Variants in ZC2HC1B observed in about 807,000 individuals in gnomAD.
ZC2HC1B encodes the protein zinc finger C2HC-type containing 1B.
A neutral mutation model predicts 31.0 loss-of-function variants in ZC2HC1B; 36 were observed. The observed-to-expected ratio is 1.16, with a 90% CI of 0.89 to 1.54. The LOEUF is 1.54. Ranked by LOEUF, ZC2HC1B falls within the 40% of genes most tolerant of loss-of-function variation. ZC2HC1B has a pLI of 0.00. For synonymous variants in ZC2HC1B, 73 were observed against 88.0 expected (o/e 0.83, Z 0.95); for missense variants, 260 against 268.6 (o/e 0.97, Z 0.22).
intron 4 of ZC2HC1B, among the ~76,000 whole-genome samples, chr6:143,897,854 A>G (rs890572657): frequency 2.0e-5 from 3 of 152,134 alleles, no homozygotes; most frequent in African/African-American, 7.2e-5. Flanking sequence ...CAGCACTACA[A>G]CCTATGCTTT....
intron 6 of ZC2HC1B, among the ~76,000 whole-genome samples, chr6:143,925,815 A>C (rs1163833012): frequency 6.6e-6 from 1 of 152,102 alleles, no homozygotes; most frequent in Non-Finnish European, 1.5e-5. Context: ...GATTACAGGC[A>C]TGAGCCACGG....
chr6:143,877,481 C>T (rs966510194), intron 1 of ZC2HC1B, among the ~76,000 whole-genome samples: 2 of 149,378 alleles, frequency 1.3e-5, no homozygotes, highest in African/African-American at 5.0e-5. Flanking sequence ...CAGGGTTTCT[C>T]CATGTTGGTC....
Position 143,934,174 on chromosome 6 carries a change from C to A in ZC2HC1B, c.599-3475C>A, listed in dbSNP as rs1335359676. Among the ~76,000 whole-genome samples the A allele has an allele frequency of 6.6e-6, 1 of 152,350 alleles. No homozygotes were observed. Among genetic ancestry groups the A allele is most frequent in the Middle Eastern group, 3.4e-3 (1 of 294 alleles). ...GTGTGCTTGGAAGCAGATGTGTCCC[C>A]TCTCAGACTTTGGGAACTTACGAAT... On this transcript the variant is annotated intron_variant, in intron 6 of 7. Coordinates refer to ENST00000237275, the MANE Select transcript of ZC2HC1B (RefSeq NM_001013623.3). This position sits in a 1 kb window ranked among gnomAD's most constrained non-coding sequence, Gnocchi z 4.6.
chr6:143,878,543 C>T (rs550049989), intron 1 of ZC2HC1B, among the ~76,000 whole-genome samples: 46 of 150,750 alleles, frequency 3.1e-4, no homozygotes, highest in Admixed American at 9.9e-4. Context: ...TGTTCCTAAG[C>T]TCAAGGCTGT....
chr6:143,914,755 T>A (rs1777897581), intron 6 of ZC2HC1B, among the ~76,000 whole-genome samples: 1 of 152,198 alleles, frequency 6.6e-6, no homozygotes, highest in Middle Eastern at 3.2e-3. Flanking sequence ...CCTCTTTGTG[T>A]CTTGTAATCT....
At chr6:143,901,131 A>G (rs1348834975) in intron 5 of ZC2HC1B, among the ~76,000 whole-genome samples, 1 of 150,806 alleles carries the variant, frequency 6.6e-6, no homozygotes, top group East Asian at 2.0e-4. Flanking sequence ...GAGCCACCAC[A>G]CGCGGCCTAG....
chr6:143,891,749 A>G (rs1306173944), intron 4 of ZC2HC1B, among the ~76,000 whole-genome samples: 1 of 152,118 alleles, frequency 6.6e-6, no homozygotes, highest in Non-Finnish European at 1.5e-5. Context: ...AGCTGATTCA[A>G]AGATTTTATG....
chr6:143,922,328 T>C lies in ZC2HC1B; in HGVS notation c.599-15321T>C, dbSNP rs1485095528. The stretch of plus-strand genomic sequence containing the variant: ...TTATTATTTATTTGACTTGGGAACA[T>C]TTCAAATCTTCTTTTCCAGTTATTC... On this transcript the variant is annotated intron_variant, in intron 6 of 7. Coordinates refer to ENST00000237275, the MANE Select transcript of ZC2HC1B (RefSeq NM_001013623.3). The surrounding 1 kb of genome is among the most constrained non-coding windows in gnomAD (Gnocchi z 5.0). Among the ~76,000 whole-genome samples the C allele has an allele frequency of 6.6e-6, 1 of 152,226 alleles. No homozygotes were observed. Among genetic ancestry groups the C allele is most frequent in the African/African-American group, 2.4e-5 (1 of 41,466 alleles).
rs576919924 is a variant in ZC2HC1B, at chr6:143,915,452, C to T, written c.598+12300C>T. Among the ~76,000 whole-genome samples the T allele has an allele frequency of 5.9e-5, 9 of 152,158 alleles. No homozygotes were observed. The highest frequency in any genetic ancestry group is 2.1e-4 in the South Asian group (1 of 4,810). ...GTAAATTGGTACCAGTAGAGTGGGG[C>T]GCTGCTGAAAAGATATCTGAAAATG... is the stretch of plus-strand genomic sequence containing the variant. On this transcript the variant is annotated intron_variant, in intron 6 of 7. Coordinates refer to ENST00000237275, the MANE Select transcript of ZC2HC1B (RefSeq NM_001013623.3). This position sits in a 1 kb window ranked among gnomAD's most constrained non-coding sequence, Gnocchi z 5.2.
At chr6:143,890,858 A>G (rs1777592451) in intron 4 of ZC2HC1B, among the ~76,000 whole-genome samples, 1 of 152,140 alleles carries the variant, frequency 6.6e-6, no homozygotes, top group Non-Finnish European at 1.5e-5. Context: ...GGCTGGGCGC[A>G]GTGGCTCATA....
In ZC2HC1B at chr6:143,895,586, G is replaced by T. The variant is rs564305818; in HGVS notation, c.350-2966G>T. ...TCCCTATTTTCATGATTCAGTTTTT[G>T]AGACATGCCTATATTCTACTTTTTA... On this transcript the variant is annotated intron_variant, in intron 4 of 7. Coordinates refer to ENST00000237275, the MANE Select transcript of ZC2HC1B (RefSeq NM_001013623.3). This position sits in a 1 kb window ranked among gnomAD's most constrained non-coding sequence, Gnocchi z 4.8. 6.6e-6 allele frequency among the ~76,000 whole-genome samples: 1 copy of T among 152,206 alleles called. No homozygotes were observed. Among genetic ancestry groups the T allele is most frequent in the South Asian group, 2.1e-4 (1 of 4,826 alleles).
intron 6 of ZC2HC1B, among the ~76,000 whole-genome samples, chr6:143,935,674 T>TTTTTTTTTTG (rs869162265): frequency 8.3e-6 from 1 of 120,676 alleles, no homozygotes; most frequent in African/African-American, 3.1e-5. Flanking sequence ...TTTTTTTTTT[T>TTTTTTTTTTG]GAGACAGGAT....
chr6:143,865,550 G>T lies in ZC2HC1B; in HGVS notation c.28+983G>T, dbSNP rs186697171. ...TATGTTCTCCACAACATCTGTTGAC[G>T]CAGAGGACTGTTTTTCAGTCTCCTC... On this transcript the variant is annotated intron_variant, in intron 1 of 7. Coordinates refer to ENST00000237275, the MANE Select transcript of ZC2HC1B (RefSeq NM_001013623.3). This position sits in a 1 kb window ranked among gnomAD's most constrained non-coding sequence, Gnocchi z 4.4. Among the ~76,000 whole-genome samples the T allele has an allele frequency of 1.3e-5, 2 of 152,262 alleles. No individual in the cohort carries two copies. Among genetic ancestry groups the T allele is most frequent in the South Asian group, 2.1e-4 (1 of 4,820 alleles).
chr6:143,920,675 C>T (rs1285034254), intron 6 of ZC2HC1B, among the ~76,000 whole-genome samples: 1 of 152,022 alleles, frequency 6.6e-6, no homozygotes, highest in Non-Finnish European at 1.5e-5. Flanking sequence ...CTTTGGGAGG[C>T]CTAGGCAGGC....
chr6:143,886,257 A>T lies in ZC2HC1B; in HGVS notation c.210+106A>T. ...TTTTGCTTGATAATACAGTAATGTA[A>T]TGTAACTGTAATCCACCTTTACTTT... On this transcript the variant is annotated intron_variant, in intron 3 of 7. Coordinates refer to ENST00000237275, the MANE Select transcript of ZC2HC1B (RefSeq NM_001013623.3). This position sits in a 1 kb window ranked among gnomAD's most constrained non-coding sequence, Gnocchi z 4.2. The T allele has an allele frequency of 8.2e-7, 1 of 1,213,628 alleles. No individual in the cohort carries two copies. Among genetic ancestry groups the T allele is most frequent in the Non-Finnish European group, 1.1e-6 (1 of 942,490 alleles). 75.2% of individuals were successfully genotyped at this position (1,213,628 alleles called of 1,614,324 possible).
At position 143,869,380 on chromosome 6, in the gene ZC2HC1B, G is replaced by A. The variant is rs1313113215; in HGVS notation, c.28+4813G>A. On this transcript the variant is annotated intron_variant, in intron 1 of 7. Coordinates refer to ENST00000237275, the MANE Select transcript of ZC2HC1B (RefSeq NM_001013623.3). The surrounding 1 kb of genome is among the most constrained non-coding windows in gnomAD (Gnocchi z 5.2). ...TGTGACTTCAAAAGGCCATCCCACC[G>A]TTATATCAATCCAACTGCTTCAGGA... 4.6e-5 allele frequency among the ~76,000 whole-genome samples: 7 copies of A among 152,188 alleles called. No individual in the cohort carries two copies. Among genetic ancestry groups the A allele is most frequent in the South Asian group, 2.1e-4 (1 of 4,832 alleles).
chr6:143,906,683 A>G (rs4896688), intron 6 of ZC2HC1B, among the ~76,000 whole-genome samples: 19,444 of 151,254 alleles, frequency 0.13, 1,897 homozygotes, highest in East Asian at 0.48. Context: ...GCCTCAAGTG[A>G]TCTTCCCGCC....
In ZC2HC1B at chr6:143,911,159, G is replaced by A. The variant is rs1038184413; in HGVS notation, c.598+8007G>A. On this transcript the variant is annotated intron_variant, in intron 6 of 7. Coordinates refer to ENST00000237275, the MANE Select transcript of ZC2HC1B (RefSeq NM_001013623.3). The surrounding 1 kb of genome is among the most constrained non-coding windows in gnomAD (Gnocchi z 4.5). ...ATTTTCCTTCATCCCTTTATTTTGA[G>A]CCTATGTATGTCTTTGCAAGTAAGA... Among the ~76,000 whole-genome samples, 4 of 152,032 alleles carry A rather than the reference G, an allele frequency of 2.6e-5. No individual in the cohort carries two copies. The highest frequency in any genetic ancestry group is 3.2e-3 in the Middle Eastern group (1 of 316).
rs1482335754 is a variant in ZC2HC1B at position 143,915,752 on chromosome 6, AC to A, written c.598+12601del. On this transcript the variant is annotated intron_variant, in intron 6 of 7. Coordinates refer to ENST00000237275, the MANE Select transcript of ZC2HC1B (RefSeq NM_001013623.3). The surrounding 1 kb of genome is among the most constrained non-coding windows in gnomAD (Gnocchi z 5.2). ...TGCCCCTGCCATAGAGATGTGTGGA[AC>A]TTTGGACTTCAGGGAGATGACTTAG... Among the ~76,000 whole-genome samples, 1 of 152,188 alleles carries A rather than the reference AC, an allele frequency of 6.6e-6. No individual in the cohort carries two copies. Among genetic ancestry groups the A allele is most frequent in the African/African-American group, 2.4e-5 (1 of 41,438 alleles).
Sources: allele counts gnomAD v4.1 joint callset (sites outside exome capture counted in the v4.1 genomes callset), GRCh38; gene constraint gnomAD v4.1.1; non-coding constraint Gnocchi (gnomAD v3.1); transcripts MANE v1.5; gene names NCBI Gene and HGNC (gene_info 2026-07-23, HGNC 2026-07-21).